NRXN3: variants seen among roughly 807,000 people sequenced by gnomAD.
The protein encoded by NRXN3 is neurexin 3, also known as neurexin III.
NRXN3 carries 32 observed loss-of-function variants against 137.6 expected under a neutral mutation model. The observed-to-expected ratio is 0.23, with a 90% CI of 0.18 to 0.31. NRXN3 has a LOEUF of 0.31. Among genes scored for constraint, NRXN3 ranks in the 10% least tolerant of loss-of-function variants. The pLI is 1.00. For synonymous variants in NRXN3, 798 were observed against 784.5 expected (o/e 1.02, Z -0.29); for missense variants, 1,574 against 2,062.5 (o/e 0.76, Z 4.59).
intron 15 of NRXN3, among the ~76,000 whole-genome samples, chr14:79,369,647 T>TA (rs1381726352): frequency 6.6e-6 from 1 of 152,232 alleles, no homozygotes; most frequent in Non-Finnish European, 1.5e-5. Flanking sequence ...TGTCTCATGG[T>TA]AAAATCATGG....
chr14:78,184,072 A>G (rs1192475032), intron 1 of NRXN3, among the ~76,000 whole-genome samples: 2 of 152,248 alleles, frequency 1.3e-5, no homozygotes, highest in Non-Finnish European at 2.9e-5. Flanking sequence ...TGTTTGTTAT[A>G]GAACATTAAG....
chr14:79,489,174 T>A (rs2096686898), intron 16 of NRXN3, among the ~76,000 whole-genome samples: 1 of 152,078 alleles, frequency 6.6e-6, no homozygotes, highest in South Asian at 2.1e-4. Flanking sequence ...AGAAGCTGAG[T>A]TGTGTTGGCC....
rs530694173 is a variant in NRXN3, at chr14:79,323,762, G to C, written c.3263-143459G>C. On this transcript the variant is annotated intron_variant, in intron 15 of 20. Coordinates refer to ENST00000335750, the MANE Select transcript of NRXN3 (RefSeq NM_001330195.2). ...TAATCCCAGCTACTTGGGAGGCTGAGGCAGGAGAATCACTTGAACCAGGAG... is the reference window on the plus strand; with the variant it reads ...TAATCCCAGCTACTTGGGAGGCTGACGCAGGAGAATCACTTGAACCAGGAG... Among the ~76,000 whole-genome samples, 38 of 152,244 alleles carry C rather than the reference G, an allele frequency of 2.5e-4. 1 individual carries two copies. In the East Asian group the frequency reaches 5.8e-3, roughly 23 times the overall value.
chr14:79,013,352 T>C (rs1192423510), intron 15 of NRXN3, among the ~76,000 whole-genome samples: 1 of 152,192 alleles, frequency 6.6e-6, no homozygotes, highest in Non-Finnish European at 1.5e-5. Flanking sequence ...AGTGGCAAGA[T>C]TTAAAGCAGG....
intron 4 of NRXN3, among the ~76,000 whole-genome samples, chr14:78,455,799 T>G (rs1296271529): frequency 6.6e-6 from 1 of 152,110 alleles, no homozygotes; most frequent in Non-Finnish European, 1.5e-5. Flanking sequence ...TTACTCACCC[T>G]CTTTTGCCCA....
chr14:79,316,305 A>G (rs1439385488), intron 15 of NRXN3, among the ~76,000 whole-genome samples: 1 of 152,220 alleles, frequency 6.6e-6, no homozygotes, highest in East Asian at 1.9e-4. Flanking sequence ...TGTACTTAGA[A>G]CAGGGATTTC....
chr14:79,020,053 C>T (rs914512045), intron 15 of NRXN3, among the ~76,000 whole-genome samples: 10 of 152,036 alleles, frequency 6.6e-5, no homozygotes, highest in African/African-American at 2.4e-4. Context: ...GATACCACCA[C>T]ATGCAGGGTA....
At chr14:78,963,588 T>C (rs31420) in intron 11 of NRXN3, among the ~76,000 whole-genome samples, 4 of 151,996 alleles carry the variant, frequency 2.6e-5, no homozygotes, top group Non-Finnish European at 5.9e-5. Context: ...TTTCACAGCC[T>C]GTCTGATTTT....
intron 1 of NRXN3, among the ~76,000 whole-genome samples, chr14:78,189,803 C>T (rs2060553135): frequency 6.6e-6 from 1 of 152,146 alleles, no homozygotes; most frequent in Non-Finnish European, 1.5e-5. Flanking sequence ...TGAGGCTGGT[C>T]TCAAACTCCT....
intron 1 of NRXN3, among the ~76,000 whole-genome samples, chr14:78,214,552 A>G (rs1055929257): frequency 6.6e-6 from 1 of 152,152 alleles, no homozygotes; most frequent in Non-Finnish European, 1.5e-5. Context: ...CACACTCGGG[A>G]TGCTTAGTCA....
intron 15 of NRXN3, among the ~76,000 whole-genome samples, chr14:79,148,969 A>T (rs1468072471): frequency 1.3e-5 from 2 of 152,104 alleles, no homozygotes; most frequent in Admixed American, 1.3e-4. Context: ...ATTACCTTAA[A>T]AGTAAGCAGT....
At chr14:79,026,866 G>A (rs1039426311) in intron 15 of NRXN3, among the ~76,000 whole-genome samples, 10 of 150,360 alleles carry the variant, frequency 6.7e-5, no homozygotes. Flanking sequence ...AATCCAATTA[G>A]CAAGATCTGC....
intron 4 of NRXN3, among the ~76,000 whole-genome samples, chr14:78,322,198 C>T (rs1366200232): frequency 2.6e-5 from 4 of 151,948 alleles, no homozygotes; most frequent in Admixed American, 2.6e-4. Flanking sequence ...GCCAAACCCT[C>T]AGCTTCTGAA....
At chr14:78,287,019 G>A (rs986005522) in intron 3 of NRXN3, among the ~76,000 whole-genome samples, 9 of 152,162 alleles carry the variant, frequency 5.9e-5, no homozygotes, top group African/African-American at 2.2e-4. Flanking sequence ...TGCAAACTCT[G>A]GTATGCATCA....
intron 16 of NRXN3, among the ~76,000 whole-genome samples, chr14:79,561,811 GA>G (rs1567509167): frequency 6.6e-6 from 1 of 151,894 alleles, no homozygotes; most frequent in African/African-American, 2.4e-5. Flanking sequence ...GAAAAGAAAA[GA>G]AAAAAAGCTC....
At chr14:78,543,517 C>T (rs922977685) in intron 4 of NRXN3, among the ~76,000 whole-genome samples, 1 of 151,770 alleles carries the variant, frequency 6.6e-6, no homozygotes. Context: ...CCTTGGGATC[C>T]AGAACTCACC....
chr14:79,339,399 G>A (rs1325595496), intron 15 of NRXN3, among the ~76,000 whole-genome samples: 1 of 152,222 alleles, frequency 6.6e-6, no homozygotes, highest in Non-Finnish European at 1.5e-5. Flanking sequence ...TTACTCCAAA[G>A]TAGGTGTCAG....
intron 15 of NRXN3, among the ~76,000 whole-genome samples, chr14:79,012,021 A>T (rs1376882273): frequency 4.6e-5 from 7 of 152,354 alleles, no homozygotes; most frequent in East Asian, 3.9e-4. Flanking sequence ...ACTGTTGTGA[A>T]GACATTCCTG....
intron 2 of NRXN3, among the ~76,000 whole-genome samples, chr14:78,254,126 AC>A (rs2069109172): frequency 1.3e-5 from 2 of 152,024 alleles, no homozygotes. Context: ...TTTAGAATTA[AC>A]TGCTTATGAT....
Sources: allele counts gnomAD v4.1 joint callset (sites outside exome capture counted in the v4.1 genomes callset), GRCh38; gene constraint gnomAD v4.1.1; transcripts MANE v1.5; gene names NCBI Gene and HGNC (gene_info 2026-07-23, HGNC 2026-07-21).